Variants in SCO1 observed in about 807,000 individuals in gnomAD.
SCO1 encodes cytochrome c oxidase assembly factor SCO1.
Under a neutral mutation model 34.0 loss-of-function variants are expected in SCO1, and 23 were observed. The observed-to-expected ratio is 0.68, with a 90% confidence interval of 0.49 to 0.96. The LOEUF (loss-of-function observed/expected upper bound fraction) is 0.96. Ranked by LOEUF, SCO1 falls within the 40% of genes least tolerant of loss-of-function variation. The pLI is 0.00. For synonymous variants in SCO1, 161 were observed against 145.5 expected (o/e 1.11, Z -0.77); for missense variants, 404 against 381.6 (o/e 1.06, Z -0.49).
In SCO1 at chr17:10,679,580, TG is replaced by T. The variant is rs374936822; in HGVS notation, c.*1538del. ...ATATTTGTTGCATCTTAGGATTTACTGAAAAACTTTTGGAGAACTTTGCCCC... is the reference window on the plus strand; with the variant it reads ...ATATTTGTTGCATCTTAGGATTTACTAAAAACTTTTGGAGAACTTTGCCCC... On this transcript the variant is annotated 3_prime_UTR_variant, in exon 6 of 6. Coordinates refer to ENST00000255390, the MANE Select transcript of SCO1 (RefSeq NM_004589.4). 17 of 152,210 alleles carry T rather than the reference TG, an allele frequency of 1.1e-4. No homozygotes were observed. Among genetic ancestry groups the T allele is most frequent in the African/African-American group, 3.6e-4 (15 of 41,456 alleles). 9.4% of individuals were successfully genotyped at this position (152,210 alleles called of 1,614,324 possible). A position where few individuals can be genotyped will look rare whatever the true frequency, so the allele number is the denominator to read the frequency against.
Position 10,686,774 on chromosome 17 carries a change from T to C in SCO1, c.724A>G (p.Arg242Gly). The C allele has an allele frequency of 6.2e-7, 1 of 1,614,038 alleles. No individual in the cohort carries two copies. ...EEVDQVARAY[R>G]VYYSPGPKDE... is the part of the protein sequence containing the mutation. ...TTGGGGCCAGGGCTGTAATACACTC[T>C]GTATGCTCTGGCCACTTGATCGACC... The change falls in exon 5 of 6, where the codon AGA (arginine) becomes GGA (glycine). Residue 242 changes from arginine (R) to glycine (G), a missense_variant. Transcript: ENST00000255390.
intron 5 of SCO1, among the ~76,000 whole-genome samples, chr17:10,681,873 A>G (rs1461804901): frequency 2.0e-5 from 3 of 152,268 alleles, no homozygotes; most frequent in Admixed American, 2.0e-4. Context: ...TTTTAATATT[A>G]GTAATTCAAA....
chr17:10,695,683 G>T, intron 2 of SCO1, 58 bp downstream of exon 2: 3 of 1,229,360 alleles, frequency 2.4e-6, no homozygotes, highest in South Asian at 1.2e-5. Flanking sequence ...CAAAAAAGGT[G>T]CTAGTCCATA....
intron 5 of SCO1, among the ~76,000 whole-genome samples, chr17:10,683,064 G>A (rs181757151): frequency 1.3e-5 from 2 of 152,290 alleles, no homozygotes; most frequent in Non-Finnish European, 1.5e-5. Flanking sequence ...TATGCACATA[G>A]AAAACGAATA....
Position 10,692,949 on chromosome 17 carries a change from T to C in SCO1, c.377A>G (p.Glu126Gly). The change falls in exon 3 of 6, where the codon GAA becomes GGA. Residue 126 changes from glutamate to glycine, a missense_variant. Transcript: ENST00000255390. ...KKEKAEKLEK[E>G]RQRHIGKPLL... Reference sequence around the variant, plus strand: ...AGGCTTGCCGATGTGTCGCTGCCGTTCCTTCTCTAACTCTTAAGGAGACAA... The same window carrying C: ...AGGCTTGCCGATGTGTCGCTGCCGTCCCTTCTCTAACTCTTAAGGAGACAA... 6.2e-7 allele frequency: 1 copy of C among 1,614,052 alleles called. No homozygotes were observed. Among genetic ancestry groups the C allele is most frequent in the South Asian group, 1.1e-5 (1 of 91,082 alleles).
chr17:10,688,074 C>T (rs972012744), intron 4 of SCO1, among the ~76,000 whole-genome samples: 1 of 152,118 alleles, frequency 6.6e-6, no homozygotes, highest in Non-Finnish European at 1.5e-5. Context: ...AAGAAGAAAA[C>T]ATAAACCTTC....
In SCO1 at chr17:10,677,603, T is replaced by C. The variant is rs2074589918; in HGVS notation, c.*3516A>G. The C allele has an allele frequency of 6.6e-6, 1 of 152,206 alleles. No homozygotes were observed. The highest frequency in any genetic ancestry group is 6.5e-5 in the Admixed American group (1 of 15,290). 9.4% of individuals were successfully genotyped at this position (152,206 alleles called of 1,614,324 possible). ...AATCATTAGCCTCCCAACTCGCATA[T>C]TTTACTGGTAGTCAGTAAATCTCAC... On this transcript the variant is annotated 3_prime_UTR_variant, in exon 6 of 6. Coordinates refer to ENST00000255390, the MANE Select transcript of SCO1 (RefSeq NM_004589.4).
chr17:10,682,602 T>A lies in SCO1; in HGVS notation c.772-1349A>T, dbSNP rs886932442. On this transcript the variant is annotated intron_variant, in intron 5 of 5. Coordinates refer to ENST00000255390, the MANE Select transcript of SCO1 (RefSeq NM_004589.4). ...GGACTTATTTTCTGAGTGTTCTTAATATAAATTACCTTGTAGTACACAACA... is the reference window on the plus strand; with the variant it reads ...GGACTTATTTTCTGAGTGTTCTTAAAATAAATTACCTTGTAGTACACAACA... Among the ~76,000 whole-genome samples the A allele has an allele frequency of 3.3e-5, 5 of 152,236 alleles. No individual in the cohort carries two copies. In the East Asian group the frequency reaches 9.6e-4, roughly 29 times the overall value.
intron 5 of SCO1, among the ~76,000 whole-genome samples, chr17:10,682,851 T>C (rs187893620): frequency 6.6e-6 from 1 of 152,330 alleles, no homozygotes; most frequent in Non-Finnish European, 1.5e-5. Flanking sequence ...CCTCTTCAAA[T>C]GATATCACAG....
At chr17:10,687,562 A>G (rs565694692) in intron 4 of SCO1, among the ~76,000 whole-genome samples, 1 of 152,360 alleles carries the variant, frequency 6.6e-6, no homozygotes, top group East Asian at 1.9e-4. Context: ...TCCTTGGATG[A>G]ACTCATCATT....
intron 5 of SCO1, 149 bp downstream of exon 5, chr17:10,686,578 T>C (rs1452467230): frequency 2.7e-5 from 16 of 591,576 alleles, no homozygotes; most frequent in Non-Finnish European, 3.8e-5. Context: ...TGAGACTCCA[T>C]CTCAAAAAAA....
chr17:10,689,303 T>C (rs896798603), intron 4 of SCO1, among the ~76,000 whole-genome samples: 2 of 152,216 alleles, frequency 1.3e-5, no homozygotes, highest in East Asian at 3.8e-4. Flanking sequence ...CTTTATTGCA[T>C]GTCAATTATA....
intron 4 of SCO1, among the ~76,000 whole-genome samples, chr17:10,688,549 T>C (rs1330727043): frequency 2.6e-5 from 4 of 152,220 alleles, no homozygotes; most frequent in Non-Finnish European, 5.9e-5. Flanking sequence ...CTGGCAGGAA[T>C]GCAGAAATAT....
At chr17:10,689,502 T>C (rs1365656128) in intron 4 of SCO1, among the ~76,000 whole-genome samples, 1 of 152,216 alleles carries the variant, frequency 6.6e-6, no homozygotes, top group East Asian at 1.9e-4. Flanking sequence ...GATTCCTGAT[T>C]TTTAAGCACA....
At chr17:10,686,155 T>C (rs975967385) in intron 5 of SCO1, among the ~76,000 whole-genome samples, 6 of 152,080 alleles carry the variant, frequency 3.9e-5, no homozygotes, top group Admixed American at 2.0e-4. Flanking sequence ...GGGAGGAGAA[T>C]TGCTTGAATC....
intron 5 of SCO1, among the ~76,000 whole-genome samples, chr17:10,684,251 G>GT (rs1399817800): frequency 1.3e-5 from 2 of 152,178 alleles, no homozygotes; most frequent in African/African-American, 4.8e-5. Context: ...GATTATCTGT[G>GT]TTGTGAGTAT....
intron 5 of SCO1, chr17:10,684,114 T>C (rs2074638980): frequency 6.6e-6 from 1 of 152,234 alleles, no homozygotes; most frequent in Non-Finnish European, 1.5e-5. Context: ...GTCAAATTCT[T>C]ATGGCAGTAG....
chr17:10,692,687 CAAT>C (rs757935737), intron 3 of SCO1, 74 bp downstream of exon 3: 25 of 1,198,604 alleles, frequency 2.1e-5, no homozygotes, highest in African/African-American at 3.0e-5. Context: ...CCCCACCTAA[CAAT>C]AATACAAGGG....
At chr17:10,696,653 A>G (rs760782414) in intron 1 of SCO1, among the ~76,000 whole-genome samples, 1 of 151,556 alleles carries the variant, frequency 6.6e-6, no homozygotes, top group South Asian at 2.1e-4. Context: ...CAACTCCCCA[A>G]ATGAAGATGA....
Sources: allele counts gnomAD v4.1 joint callset (sites outside exome capture counted in the v4.1 genomes callset), GRCh38; gene constraint gnomAD v4.1.1; transcripts MANE v1.5; gene names NCBI Gene and HGNC (gene_info 2026-07-23, HGNC 2026-07-21).